Variants in SYNE1 observed in about 807,000 individuals in gnomAD.
SYNE1 encodes spectrin repeat containing nuclear envelope protein 1.
A neutral mutation model predicts 1,111.0 loss-of-function variants in SYNE1; 616 were observed. The ratio of observed to expected loss-of-function variants is 0.55; its 90% CI spans 0.52 to 0.59. SYNE1 has a LOEUF of 0.59. Ranked by LOEUF, SYNE1 falls within the 20% of genes least tolerant of loss-of-function variation. The pLI, the probability that SYNE1 is intolerant of heterozygous loss-of-function variation, is 0.00. For missense variants in SYNE1, 10,006 were observed against 10,417.0 expected, an observed-to-expected ratio of 0.96 and a Z score of 1.72; for synonymous variants, 3,855 against 3,825.8, an observed-to-expected ratio of 1.01 and a Z score of -0.28.
At chr6:152,242,516 G>C in intron 106 of SYNE1, 76 bp from the exon 107 acceptor site, 1 of 1,547,296 alleles carries the variant, frequency 6.5e-7, no homozygotes, top group Non-Finnish European at 8.9e-7. Context: ...AACTATGAAC[G>C]CACCAAGCCC....
chr6:152,221,071 G>A (rs749452510), intron 118 of SYNE1, 25 bp from the exon 119 acceptor site: 62 of 1,611,538 alleles, frequency 3.8e-5, no homozygotes, highest in Admixed American at 5.0e-5. Context: ...CAACACTCAT[G>A]AGCAGATTAC....
At position 152,122,640 on chromosome 6, in the gene SYNE1, C is replaced by T. The variant is rs2051679304; in HGVS notation, c.26190G>A (p.Glu8730=). ...CGCGGCCGGACCGACCTGGCCCTGG[C>T]TCAGAAAGGGAGGAATCGGAGCCAC... The part of the protein sequence containing the change: ...TKGGSDSSLS[E]PGPGRSGRGF... The change falls in exon 146 of 146, where the codon GAG becomes GAA. Residue 8730 remains glutamate, a synonymous_variant. Coordinates refer to ENST00000367255, the MANE Select transcript of SYNE1 (RefSeq NM_182961.4). The T allele has an allele frequency of 1.2e-6, 2 of 1,614,074 alleles. No homozygotes were observed. The highest frequency in any genetic ancestry group is 1.7e-6 in the Non-Finnish European group (2 of 1,179,974).
intron 3 of SYNE1, among the ~76,000 whole-genome samples, chr6:152,621,742 T>C (rs1019739403): frequency 1.3e-5 from 2 of 152,136 alleles, no homozygotes; most frequent in African/African-American, 4.8e-5. Flanking sequence ...ACTACACAAA[T>C]GTAAACACTT....
chr6:152,376,221 C>T (rs2097278961), intron 58 of SYNE1, 160 bp downstream of exon 58: 3 of 677,430 alleles, frequency 4.4e-6, no homozygotes, highest in Non-Finnish European at 7.7e-6. Flanking sequence ...CAGGCAGTAA[C>T]GCTCATTGGC....
At position 152,152,021 on chromosome 6, in the gene SYNE1, C is replaced by T. The variant is rs373016793; in HGVS notation, c.24250G>A (p.Glu8084Lys). 30 of 1,614,082 alleles carry T rather than the reference C, an allele frequency of 1.9e-5. No homozygotes were observed. The highest frequency in any genetic ancestry group is 6.7e-5 in the African/African-American group (5 of 74,922). Residue 8084 changes from glutamate (E) to lysine (K), a missense_variant, in exon 134 of 146, where the codon GAA becomes AAA. This residue lies in a region of SYNE1 where 2,182 missense variants were observed against 2,287.8 expected (regional missense o/e 0.95). Transcript: ENST00000367255. ...SACSLKQMVH[E>K]GNQRWDNLQK... ...AGGTTGTCCCATCTCTGGTTGCCTT[C>T]GTGAACCATCTGTTTGAGGCTACAT...
At chr6:152,453,763 A>G in intron 24 of SYNE1, 43 bp from the exon 25 acceptor site, 1 of 1,613,552 alleles carries the variant, frequency 6.2e-7, no homozygotes, top group East Asian at 2.2e-5. Flanking sequence ...TGGACAGACG[A>G]AAAGGCAGCA....
intron 104 of SYNE1, among the ~76,000 whole-genome samples, chr6:152,253,233 T>G (rs1017307958): frequency 1.3e-5 from 2 of 152,174 alleles, no homozygotes; most frequent in Non-Finnish European, 2.9e-5. Context: ...ATATATATAT[T>G]CTTTGAGTAA....
intron 141 of SYNE1, 22 bp downstream of exon 141, chr6:152,136,596 T>C: frequency 6.2e-7 from 1 of 1,612,198 alleles, no homozygotes; most frequent in South Asian, 1.1e-5. Context: ...CTGAGTCACC[T>C]CCTGCCCAAA....
intron 95 of SYNE1, among the ~76,000 whole-genome samples, chr6:152,293,358 G>A (rs2094702753): frequency 1.3e-5 from 2 of 151,984 alleles, no homozygotes; most frequent in African/African-American, 2.4e-5. Flanking sequence ...TTAGATTCAA[G>A]GTCTGCATGT....
intron 4 of SYNE1, among the ~76,000 whole-genome samples, chr6:152,534,347 A>G (rs1173055869): frequency 6.6e-6 from 1 of 152,162 alleles, no homozygotes; most frequent in Non-Finnish European, 1.5e-5. Flanking sequence ...TAAATAAATT[A>G]ACAAATGCTA....
At chr6:152,401,522 T>C (rs768367837) in intron 46 of SYNE1, among the ~76,000 whole-genome samples, 181 bp from the exon 47 acceptor site, 1 of 152,136 alleles carries the variant, frequency 6.6e-6, no homozygotes, top group Non-Finnish European at 1.5e-5. Context: ...GCCAAACACA[T>C]GAAGTGATGG....
chr6:152,600,518 T>C (rs1308488290), intron 3 of SYNE1, among the ~76,000 whole-genome samples: 2 of 152,168 alleles, frequency 1.3e-5, no homozygotes, highest in African/African-American at 2.4e-5. Flanking sequence ...TACGGATGAG[T>C]AGAAGCTATG....
intron 38 of SYNE1, among the ~76,000 whole-genome samples, chr6:152,426,377 C>A (rs1041007436): frequency 1.3e-5 from 2 of 152,160 alleles, no homozygotes; most frequent in African/African-American, 2.4e-5. Context: ...AGCAGAACTG[C>A]GACTTATGCT....
intron 3 of SYNE1, among the ~76,000 whole-genome samples, chr6:152,577,938 T>C (rs998480555): frequency 1.3e-5 from 2 of 152,192 alleles, no homozygotes; most frequent in Non-Finnish European, 2.9e-5. Flanking sequence ...AATAACAAAC[T>C]CCACATCTTC....
intron 74 of SYNE1, among the ~76,000 whole-genome samples, chr6:152,342,229 A>G (rs563141999): frequency 5.9e-5 from 9 of 152,302 alleles, no homozygotes. Context: ...GCAAAACATC[A>G]CTGCCATTAA....
chr6:152,255,235 C>T (rs1298645241), intron 103 of SYNE1, 146 bp from the exon 104 acceptor site: 11 of 758,282 alleles, frequency 1.5e-5, no homozygotes, highest in Non-Finnish European at 6.5e-6. Context: ...CTTTCAAATA[C>T]TTCTATACAT....
intron 101 of SYNE1, among the ~76,000 whole-genome samples, 185 bp from the exon 102 acceptor site, chr6:152,256,950 G>A (rs2090997299): frequency 2.0e-5 from 3 of 151,810 alleles, no homozygotes; most frequent in Admixed American, 6.6e-5. Context: ...CAATGGCAAT[G>A]TTTCCATGGA....
chr6:152,278,511 G>A (rs574959578), intron 97 of SYNE1, among the ~76,000 whole-genome samples: 4 of 152,094 alleles, frequency 2.6e-5, no homozygotes, highest in African/African-American at 7.2e-5. Context: ...CGCCCAGGCT[G>A]GAGTTTAGTG....
At chr6:152,187,265 G>C (rs561241571) in intron 128 of SYNE1, among the ~76,000 whole-genome samples, 4 of 152,212 alleles carry the variant, frequency 2.6e-5, no homozygotes, top group African/African-American at 7.2e-5. Flanking sequence ...CACGGATTGA[G>C]AAAAACATGG....
Sources: gnomAD v4.1 joint callset for allele counts (sites outside exome capture counted in the v4.1 genomes callset) on GRCh38, gnomAD v4.1.1 for gene constraint, gnomAD v4.1.1 regional missense constraint, MANE v1.5 for transcripts, NCBI Gene and HGNC (gene_info 2026-07-23, HGNC 2026-07-21) for gene names.